MTOR: variants seen among roughly 807,000 people sequenced by gnomAD.
The protein encoded by MTOR is mechanistic target of rapamycin kinase.
A neutral mutation model predicts 319.8 loss-of-function variants in MTOR; 70 were observed. That is an observed-to-expected ratio of 0.22 (90% confidence interval 0.18 to 0.27). The LOEUF is 0.27. MTOR is among the 10% of genes least tolerant of loss of function. The pLI is 1.00. For missense variants in MTOR, 1,890 were observed against 3,274.4 expected (o/e 0.58, Z 10.32); for synonymous variants, 1,183 against 1,211.4 (o/e 0.98, Z 0.49).
intron 19 of MTOR, among the ~76,000 whole-genome samples, chr1:11,225,363 T>A (rs1027795920): frequency 1.8e-4 from 27 of 151,704 alleles, no homozygotes; most frequent in African/African-American, 6.0e-4. Context: ...TCTAACACAA[T>A]TTTTTTTAAA....
intron 28 of MTOR, chr1:11,194,584 C>G (rs1221494516): frequency 4.3e-6 from 7 of 1,614,174 alleles, no homozygotes; most frequent in Non-Finnish European, 1.7e-6. Flanking sequence ...CCTCCAGTAT[C>G]ATAACAACAC....
At chr1:11,229,059 G>T in intron 18 of MTOR, 141 bp from the exon 19 acceptor site, 2 of 1,111,650 alleles carry the variant, frequency 1.8e-6, no homozygotes, top group Non-Finnish European at 1.3e-6. Context: ...ACTGTTGGGA[G>T]TTCAAGGTCT....
At chr1:11,201,674 T>C (rs1390788478) in intron 26 of MTOR, among the ~76,000 whole-genome samples, 3 of 152,240 alleles carry the variant, frequency 2.0e-5, no homozygotes, top group African/African-American at 7.2e-5. Context: ...AAGCCTTCCC[T>C]AAAGATAACC....
At chr1:11,249,726 G>A (rs1394997086) in intron 6 of MTOR, among the ~76,000 whole-genome samples, 2 of 142,798 alleles carry the variant, frequency 1.4e-5, no homozygotes, top group African/African-American at 2.6e-5. Flanking sequence ...AGAGAGCACA[G>A]GGTTGGGGGT....
In MTOR at chr1:11,118,228, A is replaced by ATTTTTTTTTTTTTTTTTTT. The variant is rs771785403; in HGVS notation, c.6934-1161_6934-1143dup. ...ACGCCTTAAATTCCAAACTTAGTTA[A>ATTTTTTTTTTTTTTTTTTT]TTTTTTTTTTTTTTTTTTTTTTTTT... On this transcript the variant is annotated intron_variant, in intron 49 of 57. Coordinates refer to ENST00000361445, the MANE Select transcript of MTOR (RefSeq NM_004958.4). Among the ~76,000 whole-genome samples, 4 of 120,766 alleles carry ATTTTTTTTTTTTTTTTTTT rather than the reference A, an allele frequency of 3.3e-5. 1 individual carries two copies. Among genetic ancestry groups the ATTTTTTTTTTTTTTTTTTT allele is most frequent in the African/African-American group, 1.6e-4 (4 of 25,148 alleles). The allele number at this position is 120,766 out of a possible 152,430, so 79.2% of individuals were successfully genotyped here.
At position 11,187,923 on chromosome 1, in the gene MTOR, T is replaced by A. The variant is rs117709539; in HGVS notation, c.4253+11335A>T. Among the ~76,000 whole-genome samples the A allele has an allele frequency of 3.9e-5, 6 of 152,182 alleles. No individual in the cohort carries two copies. In the East Asian group the frequency reaches 1.2e-3, roughly 29 times the overall value. ...TCACCCTTTAGCAGGCAAAGGAGGC[T>A]GGGTATGTGAGAAAACAAACTCTGA... is the stretch of plus-strand genomic sequence containing the variant. On this transcript the variant is annotated intron_variant, in intron 28 of 57. Transcript: ENST00000361445.
chr1:11,235,241 C>T (rs2100886087), intron 13 of MTOR, among the ~76,000 whole-genome samples: 1 of 152,280 alleles, frequency 6.6e-6, no homozygotes, highest in Non-Finnish European at 1.5e-5. Flanking sequence ...ATCCAAAGAA[C>T]CCCAGGTTCA....
chr1:11,210,533 C>T (rs967409607), intron 24 of MTOR, among the ~76,000 whole-genome samples: 1 of 152,132 alleles, frequency 6.6e-6, no homozygotes, highest in African/African-American at 2.4e-5. Context: ...TATTTTGCAA[C>T]ACATGAAAAT....
At chr1:11,256,334 C>G in intron 4 of MTOR, 142 bp from the exon 5 acceptor site, 1 of 1,443,972 alleles carries the variant, frequency 6.9e-7, no homozygotes, top group South Asian at 1.5e-5. Flanking sequence ...ATTCTGAGGA[C>G]AGAGGAAGGA....
At chr1:11,243,029 G>T (rs935596528) in intron 9 of MTOR, 85 bp downstream of exon 9, 1 of 1,484,642 alleles carries the variant, frequency 6.7e-7, no homozygotes, top group Non-Finnish European at 9.2e-7. Context: ...CAAAAAATGG[G>T]CGTAAGCTCC....
rs375015336 is a variant in MTOR at position 11,108,328 on chromosome 1, A to C, written c.7529-42T>G. ...AAAAACATTTCACTCTCTTCCTGGCAATCGATGCACTTCTTGTTCCCTGTG... is the reference window on the plus strand; with the variant it reads ...AAAAACATTTCACTCTCTTCCTGGCCATCGATGCACTTCTTGTTCCCTGTG... On this transcript the variant is annotated intron_variant, in intron 56 of 57. Transcript: ENST00000361445. 4.0e-4 allele frequency: 594 copies of C among 1,471,892 alleles called. 9 individuals carry two copies. The South Asian group carries it at 5.6e-3, about 14-fold the overall frequency. The allele number at this position is 1,471,892 out of a possible 1,614,324, so 91.2% of individuals were successfully genotyped here. A position where few individuals can be genotyped will look rare whatever the true frequency, so the allele number is the denominator to read the frequency against.
chr1:11,252,080 C>A (rs1649772060), intron 6 of MTOR, among the ~76,000 whole-genome samples: 1 of 152,122 alleles, frequency 6.6e-6, no homozygotes, highest in Non-Finnish European at 1.5e-5. Context: ...CACTGCGATA[C>A]CAAAATCTGC....
chr1:11,157,439 T>C, intron 29 of MTOR, 148 bp from the exon 30 acceptor site: 1 of 991,842 alleles, frequency 1.0e-6, no homozygotes, highest in East Asian at 2.9e-5. Context: ...AAAAACAACT[T>C]CAGACAATCT....
intron 5 of MTOR, among the ~76,000 whole-genome samples, chr1:11,254,768 CTT>C (rs1260367652): frequency 7.0e-5 from 10 of 141,938 alleles, no homozygotes; most frequent in Middle Eastern, 3.6e-3. Context: ...AAAGAGATGT[CTT>C]TTTTTTTTTT....
At chr1:11,169,798 C>T (rs902836436) in intron 28 of MTOR, among the ~76,000 whole-genome samples, 1 of 152,212 alleles carries the variant, frequency 6.6e-6, no homozygotes, top group African/African-American at 2.4e-5. Context: ...CCTCCTCCTT[C>T]AGAGGGTTCT....
At chr1:11,160,109 T>TTTATTTATTTAA (rs1335018513) in intron 29 of MTOR, among the ~76,000 whole-genome samples, 4 of 151,552 alleles carry the variant, frequency 2.6e-5, no homozygotes, top group South Asian at 2.1e-4. Context: ...TATTTATTTA[T>TTTATTTATTTAA]TTAATTTTGA....
chr1:11,230,894 G>A, intron 18 of MTOR, 31 bp downstream of exon 18: 1 of 1,612,742 alleles, frequency 6.2e-7, no homozygotes. Flanking sequence ...GTGAGAACTT[G>A]GCAAGTCTTT....
chr1:11,192,218 C>T (rs936119883), intron 28 of MTOR: 1 of 1,351,846 alleles, frequency 7.4e-7, no homozygotes, highest in African/African-American at 1.4e-5. Context: ...ACACTCAACT[C>T]AGATGGAGCC....
At position 11,106,749 on chromosome 1, in the gene MTOR, T is replaced by G. The variant is rs1641597948; in HGVS notation, c.*736A>C. The stretch of plus-strand genomic sequence containing the variant: ...GCTCTAAACAGAGTATTTTGACCAC[T>G]GAAAACATCCCAGAACCCTGCTGCA... On this transcript the variant is annotated 3_prime_UTR_variant, in exon 58 of 58. Coordinates refer to ENST00000361445, the MANE Select transcript of MTOR (RefSeq NM_004958.4). 18 of 1,236,880 alleles carry G rather than the reference T, an allele frequency of 1.5e-5. 1 individual carries two copies. Among genetic ancestry groups the G allele is most frequent in the Middle Eastern group, 3.3e-4 (1 of 2,990 alleles). The allele number at this position is 1,236,880 out of a possible 1,614,324, so 76.6% of individuals were successfully genotyped here.
Sources: allele counts gnomAD v4.1 joint callset (sites outside exome capture counted in the v4.1 genomes callset), GRCh38; gene constraint gnomAD v4.1.1; transcripts MANE v1.5; gene names NCBI Gene and HGNC (gene_info 2026-07-23, HGNC 2026-07-21).